The following MYO1E variants were observed in gnomAD, a reference collection of about 807,000 sequenced individuals.
MYO1E encodes the protein unconventional myosin-Ie.
Under a neutral mutation model 151.1 loss-of-function variants are expected in MYO1E, and 68 were observed. The ratio of observed to expected loss-of-function variants is 0.45; its 90% CI spans 0.37 to 0.55. The LOEUF (loss-of-function observed/expected upper bound fraction) is 0.55. Ranked by LOEUF, MYO1E falls within the 20% of genes least tolerant of loss-of-function variation. MYO1E has a pLI of 0.00. For missense variants in MYO1E, 1,363 were observed against 1,389.3 expected, an observed-to-expected ratio of 0.98 and a Z score of 0.30; for synonymous variants, 601 against 501.7, an observed-to-expected ratio of 1.20 and a Z score of -2.64.
intron 1 of MYO1E, among the ~76,000 whole-genome samples, chr15:59,307,122 G>T (rs1278293739): frequency 6.6e-6 from 1 of 152,206 alleles, no homozygotes; most frequent in Non-Finnish European, 1.5e-5. Flanking sequence ...GGCCTAACGA[G>T]ATCATCATTT....
chr15:59,138,394 C>A, intron 26 of MYO1E, 27 bp from the exon 27 acceptor site: 1 of 1,613,114 alleles, frequency 6.2e-7, no homozygotes, highest in Non-Finnish European at 8.5e-7. Flanking sequence ...GCAGATGAGA[C>A]TGGGCCCCAA....
intron 9 of MYO1E, among the ~76,000 whole-genome samples, chr15:59,220,925 T>TAAAAA (rs59578227): frequency 0.012 from 965 of 77,916 alleles, 15 homozygotes; most frequent in African/African-American, 0.043. Context: ...CCCCATCTCT[T>TAAAAA]AAAAAAAAAA....
chr15:59,201,510 T>C lies in MYO1E; in HGVS notation c.1698+816A>G, dbSNP rs370838148. ...ACCTCTGCCTCCAGGGTTCAAGTGA[T>C]TCTCCTGCCTCAGCCTCCTGAGTAG... On this transcript the variant is annotated intron_variant, in intron 16 of 27. Coordinates refer to ENST00000288235, the MANE Select transcript of MYO1E (RefSeq NM_004998.4). Among the ~76,000 whole-genome samples the C allele has an allele frequency of 4.7e-4, 71 of 151,914 alleles. No individual in the cohort carries two copies. The East Asian group carries it at 0.012, about 25-fold the overall frequency.
chr15:59,231,733 T>C lies in MYO1E; in HGVS notation c.479A>G (p.Lys160Arg). ...GCTGGAGTTGTTGTTCCGGACGGTC[T>C]TGGCGTTCCCGAAGGCCTCCAGCAG... ...NPLLEAFGNA[K>R]TVRNNNSSRF... is the part of the protein sequence containing the mutation. The change falls in exon 6 of 28, where the codon AAG (lysine) becomes AGG (arginine). Residue 160 changes from lysine (K) to arginine (R), a missense_variant. By Grantham distance (26) the Lys-to-Arg change is conservative. Transcript: ENST00000288235. 2 of 1,614,174 alleles carry C rather than the reference T, an allele frequency of 1.2e-6. No individual in the cohort carries two copies. The highest frequency in any genetic ancestry group is 1.7e-6 in the Non-Finnish European group (2 of 1,180,028).
intron 22 of MYO1E, among the ~76,000 whole-genome samples, chr15:59,168,221 T>C (rs1393889286): frequency 6.6e-6 from 1 of 152,110 alleles, no homozygotes; most frequent in Non-Finnish European, 1.5e-5. Context: ...TAGAAAAACA[T>C]TTTATTATGG....
chr15:59,223,591 T>C (rs565438969), intron 8 of MYO1E, among the ~76,000 whole-genome samples: 68 of 152,344 alleles, frequency 4.5e-4, no homozygotes, highest in Non-Finnish European at 6.9e-4. Flanking sequence ...GATGTGTTCT[T>C]GTTGCCAGCT....
chr15:59,146,968 A>G (rs1186857012), intron 26 of MYO1E, among the ~76,000 whole-genome samples: 1 of 152,170 alleles, frequency 6.6e-6, no homozygotes, highest in Middle Eastern at 3.2e-3. Context: ...GGGCAATCAC[A>G]TTATAACCCA....
At chr15:59,250,631 C>T (rs935489900) in intron 4 of MYO1E, among the ~76,000 whole-genome samples, 3 of 151,502 alleles carry the variant, frequency 2.0e-5, no homozygotes, top group Admixed American at 6.6e-5. Flanking sequence ...CTGGCGGGGG[C>T]GGGGGGTAGT....
intron 2 of MYO1E, among the ~76,000 whole-genome samples, chr15:59,267,956 C>T (rs1282364164): frequency 1.3e-5 from 2 of 152,034 alleles, no homozygotes; most frequent in African/African-American, 2.4e-5. Context: ...AAGAAATGTG[C>T]ATTCAGCCTG....
intron 22 of MYO1E, among the ~76,000 whole-genome samples, chr15:59,163,547 T>G (rs2079549466): frequency 6.6e-6 from 1 of 152,166 alleles, no homozygotes; most frequent in Non-Finnish European, 1.5e-5. Context: ...TTTTTCCACA[T>G]GATTTTTACA....
At chr15:59,168,682 A>G (rs1476169373) in intron 22 of MYO1E, among the ~76,000 whole-genome samples, 2 of 151,838 alleles carry the variant, frequency 1.3e-5, no homozygotes, top group African/African-American at 4.8e-5. Flanking sequence ...GTGCAGTGGT[A>G]TGATCATGAC....
At chr15:59,268,200 T>G (rs867401053) in intron 2 of MYO1E, among the ~76,000 whole-genome samples, 1 of 152,248 alleles carries the variant, frequency 6.6e-6, no homozygotes, top group Non-Finnish European at 1.5e-5. Context: ...TTTTACCACT[T>G]AGCAGAGGAA....
chr15:59,201,984 C>A lies in MYO1E; in HGVS notation c.1698+342G>T, dbSNP rs1246818737. 3.3e-5 allele frequency among the ~76,000 whole-genome samples: 5 copies of A among 152,240 alleles called. No homozygotes were observed. In the East Asian group the frequency reaches 7.7e-4, roughly 23 times the overall value. On this transcript the variant is annotated intron_variant, in intron 16 of 27. Transcript: ENST00000288235. ...TGGGCCTGGCCTGGTAAACTGTCAA[C>A]AGTATCCAAAACATGGCTCCGAACC...
intron 9 of MYO1E, among the ~76,000 whole-genome samples, chr15:59,219,162 T>C (rs2140346646): frequency 6.6e-6 from 1 of 152,278 alleles, no homozygotes; most frequent in East Asian, 1.9e-4. Flanking sequence ...AACGGAGACT[T>C]CCATAGCTCA....
Position 59,327,606 on chromosome 15 carries a change from C to T in MYO1E, c.3+44892G>A, listed in dbSNP as rs115322688. ...TTGGGATTGCAGGTATGAGCCAGCA[C>T]GCCCAGCCATTTATTTACTTTTTAA... is the stretch of plus-strand genomic sequence containing the variant. On this transcript the variant is annotated intron_variant, in intron 1 of 27. Coordinates refer to ENST00000288235, the MANE Select transcript of MYO1E (RefSeq NM_004998.4). Among the ~76,000 whole-genome samples the T allele has an allele frequency of 9.3e-4, 142 of 152,198 alleles. 1 individual carries two copies. The highest frequency in any genetic ancestry group is 2.7e-3 in the African/African-American group (111 of 41,528).
chr15:59,275,936 C>G (rs967730720), intron 1 of MYO1E, among the ~76,000 whole-genome samples: 8 of 152,162 alleles, frequency 5.3e-5, no homozygotes, highest in Non-Finnish European at 7.4e-5. Context: ...AGGCACACAG[C>G]CTCTGCACAC....
chr15:59,173,595 G>A (rs2079607989), intron 21 of MYO1E, 151 bp downstream of exon 21: 15 of 821,106 alleles, frequency 1.8e-5, no homozygotes, highest in Non-Finnish European at 2.8e-5. Context: ...CTGGGCATAG[G>A]TGCCTGTTTA....
intron 2 of MYO1E, 33 bp from the exon 3 acceptor site, chr15:59,261,542 T>TA: frequency 7.6e-7 from 1 of 1,322,392 alleles, no homozygotes; most frequent in Non-Finnish European, 1.1e-6. Flanking sequence ...CCATCATTAA[T>TA]ATTCATAGCT....
chr15:59,325,874 T>C (rs930466645), intron 1 of MYO1E, among the ~76,000 whole-genome samples: 9 of 152,090 alleles, frequency 5.9e-5, no homozygotes, highest in African/African-American at 1.2e-4. Context: ...GGGACATGGA[T>C]TGACTCCCAC....
Sources: gnomAD v4.1 joint callset for allele counts (sites outside exome capture counted in the v4.1 genomes callset) on GRCh38, gnomAD v4.1.1 for gene constraint, MANE v1.5 for transcripts, NCBI Gene and HGNC (gene_info 2026-07-23, HGNC 2026-07-21) for gene names.